RARB: variants seen among roughly 807,000 people sequenced by gnomAD.
RARB encodes the protein retinoic acid receptor beta.
In RARB, 17 loss-of-function variants were observed where a neutral mutation model predicts 51.9. The observed-to-expected ratio is 0.33, with a 90% confidence interval of 0.22 to 0.49. The LOEUF is 0.49. RARB is among the 20% of genes least tolerant of loss of function. RARB has a pLI of 0.99. For synonymous variants in RARB, 215 were observed against 195.4 expected (o/e 1.10, Z -0.84); for missense variants, 369 against 550.8 (o/e 0.67, Z 3.30).
intron 2 of RARB, among the ~76,000 whole-genome samples, chr3:24,902,523 A>C (rs1203247613): frequency 6.6e-6 from 1 of 152,134 alleles, no homozygotes; most frequent in Non-Finnish European, 1.5e-5. Flanking sequence ...CAACGTGAGG[A>C]TGATAAAAAC....
At chr3:25,208,023 G>GT (rs1252123582) in intron 5 of RARB, among the ~76,000 whole-genome samples, 13 of 151,758 alleles carry the variant, frequency 8.6e-5, no homozygotes, top group African/African-American at 2.9e-4. Context: ...AGAGGGCAAG[G>GT]GGGGGAGCAA....
At chr3:24,927,385 A>G (rs1386079124) in intron 2 of RARB, among the ~76,000 whole-genome samples, 1 of 152,028 alleles carries the variant, frequency 6.6e-6, no homozygotes, top group African/African-American at 2.4e-5. Flanking sequence ...AGCTACAAAT[A>G]ATGAATTTGT....
intron 2 of RARB, among the ~76,000 whole-genome samples, chr3:24,934,445 C>T (rs1055860998): frequency 1.3e-5 from 2 of 152,062 alleles, no homozygotes; most frequent in African/African-American, 4.8e-5. Flanking sequence ...CTGAGTTACA[C>T]ATTTGCTGAG....
intron 3 of RARB, among the ~76,000 whole-genome samples, chr3:25,094,987 G>C (rs1316919110): frequency 6.6e-6 from 1 of 152,094 alleles, no homozygotes; most frequent in African/African-American, 2.4e-5. Context: ...TGACAAATGA[G>C]AAAAAAGACT....
chr3:24,992,269 T>C (rs1485177653), intron 2 of RARB, among the ~76,000 whole-genome samples: 1 of 152,222 alleles, frequency 6.6e-6, no homozygotes, highest in African/African-American at 2.4e-5. Context: ...TTTTCTTCCT[T>C]GTTTATGAGT....
At chr3:25,025,883 T>C (rs17195143) in intron 2 of RARB, among the ~76,000 whole-genome samples, 7,231 of 152,202 alleles carry the variant, frequency 0.048, 254 homozygotes, top group Non-Finnish European at 0.073. Flanking sequence ...AGGAGCTATA[T>C]GTCAAATTAT....
intron 3 of RARB, among the ~76,000 whole-genome samples, chr3:25,107,319 A>T (rs1425589633): frequency 3.3e-5 from 5 of 152,324 alleles, no homozygotes; most frequent in African/African-American, 1.2e-4. Context: ...AATTTGTACT[A>T]CAGAACATCT....
chr3:25,150,032 T>A (rs1422476697), intron 4 of RARB, among the ~76,000 whole-genome samples: 5 of 151,918 alleles, frequency 3.3e-5, no homozygotes, highest in Non-Finnish European at 5.9e-5. Context: ...TGAAACCCTG[T>A]CTCTACTAAA....
chr3:25,250,371 G>T (rs1308707680), intron 5 of RARB, among the ~76,000 whole-genome samples: 2 of 152,184 alleles, frequency 1.3e-5, no homozygotes, highest in African/African-American at 4.8e-5. Context: ...CCAGATGAAT[G>T]CTTGGGTGGG....
rs117152555 is a variant in RARB, at chr3:25,540,074, C to T, written c.449-29684C>T. Reference sequence around the variant, plus strand: ...GGGTCCTGAAATCCCCTGCATATACCGAGTGACAACTGTAAAAGGATAATA... The same window carrying T: ...GGGTCCTGAAATCCCCTGCATATACTGAGTGACAACTGTAAAAGGATAATA... On this transcript the variant is annotated intron_variant, in intron 3 of 7. Coordinates refer to ENST00000330688, the MANE Select transcript of RARB (RefSeq NM_000965.5). 1.9e-4 allele frequency among the ~76,000 whole-genome samples: 29 copies of T among 152,212 alleles called. 1 individual carries two copies. In the East Asian group the frequency reaches 5.2e-3, roughly 27 times the overall value.
chr3:25,311,875 C>G (rs548581435), intron 5 of RARB, among the ~76,000 whole-genome samples: 22 of 152,328 alleles, frequency 1.4e-4, no homozygotes, highest in Admixed American at 1.3e-3. Context: ...CACTCAAGCT[C>G]TGCCTCCTGG....
chr3:25,222,916 C>A (rs927926757), intron 5 of RARB, among the ~76,000 whole-genome samples: 3 of 152,044 alleles, frequency 2.0e-5, no homozygotes, highest in Non-Finnish European at 2.9e-5. Context: ...AAAAAGAGTT[C>A]GAAAACTTAC....
chr3:25,323,384 G>A (rs552377312), intron 5 of RARB, among the ~76,000 whole-genome samples: 1 of 152,310 alleles, frequency 6.6e-6, no homozygotes, highest in African/African-American at 2.4e-5. Flanking sequence ...AGAGGTCTCT[G>A]AAAATGTGCC....
chr3:25,283,298 G>C (rs1430582499), intron 5 of RARB, among the ~76,000 whole-genome samples: 2 of 152,334 alleles, frequency 1.3e-5, no homozygotes, highest in Middle Eastern at 3.4e-3. Flanking sequence ...AGCTGGGCTT[G>C]TGGAAACCAG....
intron 3 of RARB, among the ~76,000 whole-genome samples, chr3:25,559,113 G>A (rs373652270): frequency 9.9e-5 from 15 of 152,080 alleles, no homozygotes; most frequent in East Asian, 3.9e-4. Flanking sequence ...AAAGGCCACC[G>A]CAAACCTAAA....
intron 2 of RARB, among the ~76,000 whole-genome samples, chr3:25,465,127 C>T (rs1695368977): frequency 1.3e-5 from 2 of 152,130 alleles, no homozygotes; most frequent in Non-Finnish European, 2.9e-5. Context: ...GCTTTCGAAT[C>T]AGATTGCCAG....
chr3:25,326,407 C>T (rs1046455773), intron 5 of RARB, among the ~76,000 whole-genome samples: 3 of 152,150 alleles, frequency 2.0e-5, no homozygotes, highest in Non-Finnish European at 4.4e-5. Context: ...CTGAAAAGGA[C>T]CTCTGGAAAG....
At chr3:25,074,866 A>G (rs1575148204) in intron 3 of RARB, among the ~76,000 whole-genome samples, 1 of 152,138 alleles carries the variant, frequency 6.6e-6, no homozygotes, top group East Asian at 1.9e-4. Context: ...TTTCCTACAT[A>G]TGCAGCGCAG....
intron 3 of RARB, among the ~76,000 whole-genome samples, chr3:25,553,560 C>T (rs1346377448): frequency 6.6e-6 from 1 of 152,184 alleles, no homozygotes; most frequent in Non-Finnish European, 1.5e-5. Context: ...AACCAGTCAT[C>T]TGAAGTGTTG....
Sources: gnomAD v4.1 joint callset for allele counts (sites outside exome capture counted in the v4.1 genomes callset) on GRCh38, gnomAD v4.1.1 for gene constraint, MANE v1.5 for transcripts, NCBI Gene and HGNC (gene_info 2026-07-23, HGNC 2026-07-21) for gene names.